Variants in MAP2K5 observed in about 807,000 individuals in gnomAD.
The protein encoded by MAP2K5 is dual specificity mitogen-activated protein kinase kinase 5.
MAP2K5 carries 49 observed loss-of-function variants against 83.1 expected under a neutral mutation model. The observed-to-expected ratio is 0.59, with a 90% confidence interval of 0.47 to 0.75. The LOEUF (loss-of-function observed/expected upper bound fraction) is 0.75. Among genes scored for constraint, MAP2K5 ranks in the 30% least tolerant of loss-of-function variants. The probability of loss-of-function intolerance (pLI) is 0.00; values close to 1 mark genes in which losing one functional copy is unlikely to be tolerated. For synonymous variants in MAP2K5, 202 were observed against 191.8 expected (o/e 1.05, Z -0.44); for missense variants, 457 against 557.5 (o/e 0.82, Z 1.82).
chr15:67,639,795 T>C (rs1027532606), intron 9 of MAP2K5, among the ~76,000 whole-genome samples: 1 of 152,220 alleles, frequency 6.6e-6, no homozygotes, highest in African/African-American at 2.4e-5. Context: ...CTCAGGCACT[T>C]TCTCACTTCA....
rs537787126 is a variant in MAP2K5 at position 67,613,571 on chromosome 15, C to T, written c.545+12822C>T. Among the ~76,000 whole-genome samples, 171 of 152,164 alleles carry T rather than the reference C, an allele frequency of 1.1e-3. 1 individual carries two copies. The highest frequency in any genetic ancestry group is 4.0e-3 in the African/African-American group (166 of 41,530). On this transcript the variant is annotated intron_variant, in intron 8 of 21. Coordinates refer to ENST00000178640, the MANE Select transcript of MAP2K5 (RefSeq NM_145160.3). ...GCATCTGCCCCCTGGAAACCATCAG[C>T]TTTGAATTTATATTTTTATTCTGTT...
chr15:67,607,005 G>C (rs986656283), intron 8 of MAP2K5, among the ~76,000 whole-genome samples: 1 of 152,050 alleles, frequency 6.6e-6, no homozygotes, highest in Non-Finnish European at 1.5e-5. Context: ...AGCTTCGCTT[G>C]TGGCTGTGTT....
chr15:67,628,669 C>G (rs2086384089), intron 8 of MAP2K5: 1 of 943,232 alleles, frequency 1.1e-6, no homozygotes, highest in Admixed American at 1.7e-5. Context: ...TCAGAAATAA[C>G]CATACTGTGA....
At chr15:67,709,204 G>T (rs1386555034) in intron 16 of MAP2K5, among the ~76,000 whole-genome samples, 2 of 152,088 alleles carry the variant, frequency 1.3e-5, no homozygotes, top group African/African-American at 4.8e-5. Flanking sequence ...ATTTGTGTGG[G>T]CTCACTCTGT....
rs912237335 is a variant in MAP2K5, at chr15:67,793,523, G to A, written c.1243-13123G>A. On this transcript the variant is annotated intron_variant, in intron 21 of 21. Coordinates refer to ENST00000178640, the MANE Select transcript of MAP2K5 (RefSeq NM_145160.3). This position sits in a 1 kb window ranked among gnomAD's most constrained non-coding sequence, Gnocchi z 4.6. ...CCTTCTATTTGGCTGTTTCTCTTGTGCTTTTAATTGGGAAATCAGATACTA... is the reference window on the plus strand; with the variant it reads ...CCTTCTATTTGGCTGTTTCTCTTGTACTTTTAATTGGGAAATCAGATACTA... Among the ~76,000 whole-genome samples the A allele has an allele frequency of 6.6e-6, 1 of 152,060 alleles. No homozygotes were observed. Among genetic ancestry groups the A allele is most frequent in the African/African-American group, 2.4e-5 (1 of 41,402 alleles).
In MAP2K5 at chr15:67,764,384, A is replaced by G. The variant is rs2090003601; in HGVS notation, c.1135-5218A>G. Among the ~76,000 whole-genome samples, 2 of 151,870 alleles carry G rather than the reference A, an allele frequency of 1.3e-5. No individual in the cohort carries two copies. Among genetic ancestry groups the G allele is most frequent in the Admixed American group, 1.3e-4 (2 of 15,242 alleles). ...AAAGAAGGTATCTCACACGCTGCAG[A>G]CTCTTTTACTTTATGCCCCATGACC... On this transcript the variant is annotated intron_variant, in intron 19 of 21. Coordinates refer to ENST00000178640, the MANE Select transcript of MAP2K5 (RefSeq NM_145160.3). This position sits in a 1 kb window ranked among gnomAD's most constrained non-coding sequence, Gnocchi z 4.9.
In MAP2K5 at chr15:67,550,834, C is replaced by T. The variant is rs570422980; in HGVS notation, c.184+752C>T. On this transcript the variant is annotated intron_variant, in intron 2 of 21. Coordinates refer to ENST00000178640, the MANE Select transcript of MAP2K5 (RefSeq NM_145160.3). Reference sequence around the variant, plus strand: ...TTGCCCAGGCTGGAGGGCAGTGGTGCGATCTTAGCTCACTGCAACCTCTGC... The same window carrying T: ...TTGCCCAGGCTGGAGGGCAGTGGTGTGATCTTAGCTCACTGCAACCTCTGC... 1.3e-3 allele frequency among the ~76,000 whole-genome samples: 194 copies of T among 150,690 alleles called. 3 individuals are homozygous for T. The South Asian group carries it at 0.026, about 20-fold the overall frequency.
In MAP2K5 at chr15:67,693,585, A is replaced by C. The variant is rs1258170509; in HGVS notation, c.972+17A>C. On this transcript the variant is annotated intron_variant, in intron 15 of 21. Coordinates refer to ENST00000178640, the MANE Select transcript of MAP2K5 (RefSeq NM_145160.3). Reference sequence around the variant, plus strand: ...TATATGGCGGTAAGTAAACTTATGCAAAAATAATGTTTAAAACCAACATCT... The same window carrying C: ...TATATGGCGGTAAGTAAACTTATGCCAAAATAATGTTTAAAACCAACATCT... The C allele has an allele frequency of 3.1e-6, 5 of 1,591,480 alleles. No homozygotes were observed. Among genetic ancestry groups the C allele is most frequent in the Non-Finnish European group, 4.3e-6 (5 of 1,160,748 alleles).
chr15:67,549,218 T>C, intron 1 of MAP2K5: 1 of 1,532,032 alleles, frequency 6.5e-7, no homozygotes. Flanking sequence ...GTAGGTGTTC[T>C]ATGCTTATTC....
intron 3 of MAP2K5, among the ~76,000 whole-genome samples, chr15:67,579,946 G>C (rs1702348869): frequency 6.6e-6 from 1 of 152,062 alleles, no homozygotes; most frequent in African/African-American, 2.4e-5. Flanking sequence ...TTTCATTGTG[G>C]ATATTTTTCC....
At position 67,794,894 on chromosome 15, in the gene MAP2K5, G is replaced by A. The variant is rs1305866265; in HGVS notation, c.1243-11752G>A. 6.6e-6 allele frequency among the ~76,000 whole-genome samples: 1 copy of A among 152,240 alleles called. No homozygotes were observed. The highest frequency in any genetic ancestry group is 1.5e-5 in the Non-Finnish European group (1 of 68,050). ...CTTAATTGGCTGCTTCTTGAAATAA[G>A]ATGAGACAATAGATATGAAATGCTT... On this transcript the variant is annotated intron_variant, in intron 21 of 21. Coordinates refer to ENST00000178640, the MANE Select transcript of MAP2K5 (RefSeq NM_145160.3). The surrounding 1 kb of genome is among the most constrained non-coding windows in gnomAD (Gnocchi z 4.6).
At chr15:67,701,304 G>A (rs2088411051) in intron 15 of MAP2K5, among the ~76,000 whole-genome samples, 2 of 152,160 alleles carry the variant, frequency 1.3e-5, no homozygotes, top group Admixed American at 6.5e-5. Flanking sequence ...GAACTTATTT[G>A]TTCATGCAGT....
In MAP2K5 at chr15:67,748,454, C is replaced by T. The variant is rs1264031787; in HGVS notation, c.1102-115C>T. ...GCATCAATGTTTTTATAAGAGTTTG[C>T]TGTTGTTGATTAATCTTGCTATATT... On this transcript the variant is annotated intron_variant, in intron 18 of 21. Transcript: ENST00000178640. The surrounding 1 kb of genome is among the most constrained non-coding windows in gnomAD (Gnocchi z 4.0). The T allele has an allele frequency of 1.6e-5, 15 of 923,744 alleles. No individual in the cohort carries two copies. Among genetic ancestry groups the T allele is most frequent in the Non-Finnish European group, 2.5e-5 (15 of 590,694 alleles). The allele number at this position is 923,744 out of a possible 1,614,324, so 57.2% of individuals were successfully genotyped here. A position where few individuals can be genotyped will look rare whatever the true frequency, so the allele number is the denominator to read the frequency against.
At chr15:67,711,805 C>G (rs1370226130) in intron 16 of MAP2K5, among the ~76,000 whole-genome samples, 1 of 152,190 alleles carries the variant, frequency 6.6e-6, no homozygotes, top group Non-Finnish European at 1.5e-5. Flanking sequence ...AGCAGGCAAT[C>G]TGATATATTG....
intron 19 of MAP2K5, among the ~76,000 whole-genome samples, chr15:67,767,830 G>A (rs1366664096): frequency 6.6e-6 from 1 of 152,092 alleles, no homozygotes; most frequent in Non-Finnish European, 1.5e-5. Context: ...TCGTCTCTGT[G>A]TAATGCCTGC....
chr15:67,799,148 G>A (rs375955821), intron 21 of MAP2K5, among the ~76,000 whole-genome samples: 1 of 152,194 alleles, frequency 6.6e-6, no homozygotes, highest in Non-Finnish European at 1.5e-5. Flanking sequence ...CAGCCTGGGC[G>A]ACAGAGCGAG....
chr15:67,599,882 G>T (rs2085615698), intron 7 of MAP2K5, among the ~76,000 whole-genome samples: 1 of 152,000 alleles, frequency 6.6e-6, no homozygotes, highest in Non-Finnish European at 1.5e-5. Context: ...ATTGTATAGG[G>T]AGCTCTCTAA....
chr15:67,655,252 CCTGT>C (rs1469972811), intron 11 of MAP2K5, among the ~76,000 whole-genome samples: 1 of 152,108 alleles, frequency 6.6e-6, no homozygotes, highest in Non-Finnish European at 1.5e-5. Context: ...ATACATTTAT[CCTGT>C]CTTTTATATT....
chr15:67,751,882 A>G (rs2089725412), intron 19 of MAP2K5, among the ~76,000 whole-genome samples: 1 of 152,130 alleles, frequency 6.6e-6, no homozygotes, highest in Admixed American at 6.5e-5. Context: ...CTTGAAGTGT[A>G]TAGAGCCCTT....
Sources: gnomAD v4.1 joint callset for allele counts (sites outside exome capture counted in the v4.1 genomes callset) on GRCh38, gnomAD v4.1.1 for gene constraint, Gnocchi (gnomAD v3.1) non-coding constraint, MANE v1.5 for transcripts, NCBI Gene and HGNC (gene_info 2026-07-23, HGNC 2026-07-21) for gene names.